INTS4: variants seen among roughly 807,000 people sequenced by gnomAD.
INTS4 encodes the protein integrator complex subunit 4.
In INTS4, 70 loss-of-function variants were observed where a neutral mutation model predicts 119.5. That is an observed-to-expected ratio of 0.59 (90% confidence interval 0.48 to 0.71). INTS4 has a LOEUF of 0.71. INTS4 is among the 30% of genes least tolerant of loss of function. INTS4 has a pLI of 0.00. For missense variants in INTS4, 867 were observed against 1,173.2 expected (o/e 0.74, Z 3.81); for synonymous variants, 316 against 419.6 (o/e 0.75, Z 3.02).
chr11:77,881,970 G>A (rs1404246098), intron 22 of INTS4, among the ~76,000 whole-genome samples: 1 of 151,244 alleles, frequency 6.6e-6, no homozygotes, highest in Non-Finnish European at 1.5e-5. Context: ...GGAGTGTAGT[G>A]GCATGATCAG....
intron 18 of INTS4, among the ~76,000 whole-genome samples, chr11:77,895,890 G>T (rs1466630388): frequency 1.3e-5 from 2 of 152,160 alleles, no homozygotes; most frequent in African/African-American, 4.8e-5. Context: ...CCTTTGGTGT[G>T]AGGGAAGGAA....
At chr11:77,928,886 TG>T in intron 10 of INTS4, among the ~76,000 whole-genome samples, 1 of 151,966 alleles carries the variant, frequency 6.6e-6, no homozygotes, top group East Asian at 1.9e-4. Context: ...CCAAGTGTGG[TG>T]GCACACGCCT....
chr11:77,884,092 C>T (rs1413148584), intron 21 of INTS4, 140 bp from the exon 22 acceptor site: 1 of 768,210 alleles, frequency 1.3e-6, no homozygotes, highest in Non-Finnish European at 2.1e-6. Flanking sequence ...GGGGGTAGGT[C>T]AACACTGTAG....
intron 18 of INTS4, among the ~76,000 whole-genome samples, chr11:77,896,003 G>A (rs1462433189): frequency 6.6e-6 from 1 of 152,148 alleles, no homozygotes; most frequent in Non-Finnish European, 1.5e-5. Flanking sequence ...CAAAGACAAT[G>A]GAAAATGACT....
chr11:77,953,398 T>C (rs1469266511), intron 8 of INTS4, among the ~76,000 whole-genome samples: 1 of 152,196 alleles, frequency 6.6e-6, no homozygotes, highest in African/African-American at 2.4e-5. Context: ...AACATTTTCA[T>C]AGACTGTATC....
chr11:77,982,403 G>T (rs187275240), intron 2 of INTS4, among the ~76,000 whole-genome samples: 3 of 152,056 alleles, frequency 2.0e-5, no homozygotes, highest in African/African-American at 7.2e-5. Flanking sequence ...TTCCCAAAAT[G>T]CTGGAATTAC....
Position 77,936,928 on chromosome 11 carries a change from A to C in INTS4, c.1165+1723T>G, listed in dbSNP as rs371059314. On this transcript the variant is annotated intron_variant, in intron 10 of 22. Coordinates refer to ENST00000534064, the MANE Select transcript of INTS4 (RefSeq NM_033547.4). ...GGTGGCTCACACCTGTAATCCCAGC[A>C]CTTTGGGAGGCTGAAGCGGGCAGAT... 3.9e-5 allele frequency among the ~76,000 whole-genome samples: 6 copies of C among 152,304 alleles called. No individual in the cohort carries two copies. The East Asian group carries it at 1.2e-3, about 29-fold the overall frequency.
chr11:77,885,334 C>A (rs1366568398), intron 21 of INTS4, among the ~76,000 whole-genome samples: 1 of 152,078 alleles, frequency 6.6e-6, no homozygotes, highest in Non-Finnish European at 1.5e-5. Context: ...ACTTCAGCCT[C>A]CCAAAGTGTT....
At chr11:77,897,724 C>A (rs533126950) in intron 18 of INTS4, among the ~76,000 whole-genome samples, 81 of 151,698 alleles carry the variant, frequency 5.3e-4, no homozygotes, top group African/African-American at 1.8e-3. Flanking sequence ...CCAGGATGGT[C>A]TCAATCTCCT....
In INTS4 at chr11:77,989,687, C is replaced by T. The variant is rs370111224; in HGVS notation, c.246+1421G>A. On this transcript the variant is annotated intron_variant, in intron 2 of 22. Transcript: ENST00000534064. ...GGTGGATTGCTTGAGCCCAGGAATT[C>T]GAGATCAGCCTGTGCAACATAGCAA... 4.1e-5 allele frequency among the ~76,000 whole-genome samples: 6 copies of T among 147,882 alleles called. No individual in the cohort carries two copies. In the East Asian group the frequency reaches 1.0e-3, roughly 25 times the overall value.
In INTS4 at chr11:77,918,905, A is replaced by C; in HGVS notation, c.1838T>G (p.Phe613Cys). 6.2e-7 allele frequency: 1 copy of C among 1,613,928 alleles called. No individual in the cohort carries two copies. The highest frequency in any genetic ancestry group is 8.5e-7 in the Non-Finnish European group (1 of 1,179,866). Reference sequence around the variant, plus strand: ...CACTCTTTCAAGGCTCTGCTGCAGGAACTGCTGGGAAGGATCCTCTTGAGG... The same window carrying C: ...CACTCTTTCAAGGCTCTGCTGCAGGCACTGCTGGGAAGGATCCTCTTGAGG... ...IIPQEDPSQQ[F>C]LQQSLERVYS... is the part of the protein sequence containing the mutation. Residue 613 changes from phenylalanine (F) to cysteine (C), a missense_variant, in exon 15 of 23, where the codon TTC (phenylalanine) becomes TGC (cysteine). By Grantham distance (205) the Phe-to-Cys change is radical. This residue lies in a region of INTS4 where 262 missense variants were observed against 376.0 expected (regional missense o/e 0.70). Coordinates refer to ENST00000534064, the MANE Select transcript of INTS4 (RefSeq NM_033547.4).
At chr11:77,987,797 C>T (rs1257965585) in intron 2 of INTS4, 1 of 356,352 alleles carries the variant, frequency 2.8e-6, no homozygotes, top group Non-Finnish European at 5.6e-6. Context: ...TGGCTTGAGC[C>T]TGGGAGTCCA....
intron 8 of INTS4, among the ~76,000 whole-genome samples, chr11:77,943,057 A>T (rs1021927927): frequency 2.0e-5 from 3 of 152,134 alleles, no homozygotes; most frequent in Admixed American, 1.3e-4. Context: ...AAGACCTCCT[A>T]AATCTCTCTC....
At chr11:77,877,123 T>TCGTGGAAATAGACTG, downstream of INTS4, 1 of 682,894 alleles carries the variant, frequency 1.5e-6, no homozygotes, top group South Asian at 1.6e-5. Context: ...ACTCATGACC[T>TCGTGGAAATAGACTG]CGTGGAAATA....
At chr11:77,964,328 G>A (rs2136595498) in intron 4 of INTS4, among the ~76,000 whole-genome samples, 1 of 152,090 alleles carries the variant, frequency 6.6e-6, no homozygotes, top group African/African-American at 2.4e-5. Flanking sequence ...AGCACTTTAG[G>A]AGGCCAAGGC....
intron 17 of INTS4, among the ~76,000 whole-genome samples, chr11:77,902,642 G>A (rs1952812362): frequency 1.3e-5 from 2 of 152,136 alleles, no homozygotes; most frequent in Admixed American, 1.3e-4. Flanking sequence ...GGTTAATTAA[G>A]CTAATAGACT....
intron 4 of INTS4, among the ~76,000 whole-genome samples, chr11:77,968,926 G>A (rs1336509029): frequency 6.6e-6 from 1 of 152,070 alleles, no homozygotes; most frequent in African/African-American, 2.4e-5. Flanking sequence ...CCAAAATTCA[G>A]TGAAGTATAA....
At chr11:77,943,531 T>TA (rs1591087118) in intron 8 of INTS4, among the ~76,000 whole-genome samples, 3 of 152,220 alleles carry the variant, frequency 2.0e-5, no homozygotes, top group Admixed American at 6.5e-5. Flanking sequence ...TACGAAAACA[T>TA]AGAGAAACAG....
chr11:77,975,208 T>G (rs1374686702), intron 4 of INTS4, among the ~76,000 whole-genome samples: 2 of 148,894 alleles, frequency 1.3e-5, no homozygotes, highest in Non-Finnish European at 3.0e-5. Context: ...CTTATTCTTG[T>G]TTTTTTTTTA....
Sources: gnomAD v4.1 joint callset for allele counts (sites outside exome capture counted in the v4.1 genomes callset) on GRCh38, gnomAD v4.1.1 for gene constraint, gnomAD v4.1.1 regional missense constraint, MANE v1.5 for transcripts, NCBI Gene and HGNC (gene_info 2026-07-23, HGNC 2026-07-21) for gene names.